Variants in PIK3CB observed in about 807,000 individuals in gnomAD.
PIK3CB encodes phosphatidylinositol-4,5-bisphosphate 3-kinase catalytic subunit beta.
PIK3CB carries 39 observed loss-of-function variants against 136.8 expected under a neutral mutation model. The observed-to-expected ratio is 0.29, with a 90% CI of 0.22 to 0.37. The LOEUF is 0.37. PIK3CB is among the 10% of genes least tolerant of loss of function. PIK3CB has a pLI of 1.00. For missense variants in PIK3CB, 868 were observed against 1,275.4 expected (o/e 0.68, Z 4.87); for synonymous variants, 428 against 436.6 (o/e 0.98, Z 0.25).
intron 8 of PIK3CB, among the ~76,000 whole-genome samples, chr3:138,715,031 A>T (rs2044579299): frequency 1.3e-5 from 2 of 152,174 alleles, no homozygotes; most frequent in African/African-American, 4.8e-5. Context: ...AAACAGGTCT[A>T]AAGAAACCGT....
chr3:138,823,650 C>G (rs1933658223), intron 1 of PIK3CB, among the ~76,000 whole-genome samples: 1 of 152,072 alleles, frequency 6.6e-6, no homozygotes, highest in Non-Finnish European at 1.5e-5. Context: ...TTGCAGTGAG[C>G]CGAGATGGCG....
In PIK3CB at chr3:138,711,958, A is replaced by T. The variant is rs551672900; in HGVS notation, c.1399+250T>A. Among the ~76,000 whole-genome samples, 111 of 151,966 alleles carry T rather than the reference A, an allele frequency of 7.3e-4. 3 individuals are homozygous for T. Among genetic ancestry groups the T allele is most frequent in the South Asian group, 4.3e-3 (21 of 4,830 alleles). ...GACCTTGTCTCGACAAAATAAAAAA[A>T]AATAATAAATAATAAAATAAAATAT... On this transcript the variant is annotated intron_variant, in intron 10 of 23. Transcript: ENST00000674063.
rs566657432 is a variant in PIK3CB at position 138,755,610 on chromosome 3, C to T, written c.397+144G>A. 32 of 508,718 alleles carry T rather than the reference C, an allele frequency of 6.3e-5. No homozygotes were observed. The East Asian group carries it at 9.5e-4, about 15-fold the overall frequency. The allele number at this position is 508,718 out of a possible 1,614,324, so 31.5% of individuals were successfully genotyped here. A position where few individuals can be genotyped will look rare whatever the true frequency, so the allele number is the denominator to read the frequency against. On this transcript the variant is annotated intron_variant, in intron 4 of 23. Transcript: ENST00000674063. The stretch of plus-strand genomic sequence containing the variant: ...ATTTATTCTCAATTTCTATACTTAC[C>T]TTATCTCAAACTGGCAACAATTTAC...
chr3:138,747,093 T>TAC (rs2045375101), intron 4 of PIK3CB, among the ~76,000 whole-genome samples: 18 of 78,110 alleles, frequency 2.3e-4, no homozygotes, highest in African/African-American at 9.3e-4. Flanking sequence ...TATATATATA[T>TAC]ATATATATAT....
intron 4 of PIK3CB, 55 bp from the exon 5 acceptor site, chr3:138,742,836 A>G: frequency 1.0e-6 from 1 of 955,350 alleles, no homozygotes; most frequent in Non-Finnish European, 1.6e-6. Context: ...ATAAAAGAAT[A>G]TAGAAAGAAT....
In PIK3CB at chr3:138,694,872, G is replaced by T; in HGVS notation, c.1806C>A (p.Pro602=). The T allele has an allele frequency of 6.2e-7, 1 of 1,611,056 alleles. No individual in the cohort carries two copies. Among genetic ancestry groups the T allele is most frequent in the South Asian group, 1.1e-5 (1 of 90,388 alleles). Residue 602 remains proline, a synonymous_variant, in exon 14 of 24, where the codon CCC becomes CCA. Coordinates refer to ENST00000674063, the MANE Select transcript of PIK3CB (RefSeq NM_006219.3). The part of the protein sequence containing the change: ...QALLQIWPKL[P]PREALELLDF... Reference sequence around the variant, plus strand: ...CCAGAAGCTCTAGGGCCTCCCGGGGGGGCAGTTTAGGCCAAATCTGAAGCA... The same window carrying T: ...CCAGAAGCTCTAGGGCCTCCCGGGGTGGCAGTTTAGGCCAAATCTGAAGCA...
intron 1 of PIK3CB, among the ~76,000 whole-genome samples, chr3:138,815,974 T>C (rs143306423): frequency 7.4e-4 from 112 of 152,360 alleles, no homozygotes; most frequent in African/African-American, 2.5e-3. Context: ...CACTCAGTGA[T>C]AATCTTTTTA....
chr3:138,724,456 G>A (rs2044795291), intron 8 of PIK3CB, among the ~76,000 whole-genome samples: 1 of 152,120 alleles, frequency 6.6e-6, no homozygotes, highest in African/African-American at 2.4e-5. Flanking sequence ...TTTTATGGAG[G>A]AGGCTCCATT....
At chr3:138,707,031 C>G (rs953517265) in intron 11 of PIK3CB, 128 bp downstream of exon 11, 6 of 719,886 alleles carry the variant, frequency 8.3e-6, no homozygotes, top group Non-Finnish European at 1.5e-5. Context: ...GATCCATGGT[C>G]TTCCCACTCA....
chr3:138,702,882 C>T (rs999119812), intron 12 of PIK3CB, among the ~76,000 whole-genome samples: 1 of 152,144 alleles, frequency 6.6e-6, no homozygotes, highest in African/African-American at 2.4e-5. Flanking sequence ...CTCAAGTCTA[C>T]ATCCTCAGCA....
intron 2 of PIK3CB, among the ~76,000 whole-genome samples, chr3:138,765,953 T>C (rs2045727648): frequency 6.6e-6 from 1 of 151,958 alleles, no homozygotes; most frequent in Non-Finnish European, 1.5e-5. Flanking sequence ...AACCTACATT[T>C]CAGGTAGCCC....
chr3:138,822,565 C>T (rs72972926), intron 1 of PIK3CB, among the ~76,000 whole-genome samples: 5,769 of 151,516 alleles, frequency 0.038, 379 homozygotes, highest in African/African-American at 0.13. Flanking sequence ...AAAGAAAATA[C>T]GTAACTGCAG....
intron 14 of PIK3CB, among the ~76,000 whole-genome samples, chr3:138,692,159 C>G (rs1442633392): frequency 6.6e-6 from 1 of 152,164 alleles, no homozygotes; most frequent in Non-Finnish European, 1.5e-5. Flanking sequence ...AGAGGCAACT[C>G]CAGCAGTATA....
chr3:138,669,793 G>C (rs891141355), intron 19 of PIK3CB, among the ~76,000 whole-genome samples: 6 of 152,156 alleles, frequency 3.9e-5, no homozygotes, highest in African/African-American at 1.4e-4. Context: ...GTAATGTACA[G>C]AAGGTACCTC....
intron 5 of PIK3CB, 118 bp from the exon 6 acceptor site, chr3:138,738,004 T>A (rs1456534912): frequency 2.0e-6 from 1 of 506,370 alleles, no homozygotes; most frequent in African/African-American, 2.0e-5. Context: ...TATGGGTACA[T>A]CCTTAACAAA....
chr3:138,771,987 T>G (rs936933638), intron 2 of PIK3CB, among the ~76,000 whole-genome samples: 12 of 151,458 alleles, frequency 7.9e-5, no homozygotes, highest in Non-Finnish European at 1.6e-4. Context: ...ATTCCAGTTC[T>G]GGAATGTACC....
intron 8 of PIK3CB, among the ~76,000 whole-genome samples, chr3:138,725,827 G>A (rs892276628): frequency 5.9e-5 from 9 of 151,950 alleles, no homozygotes; most frequent in East Asian, 1.9e-4. Context: ...GTGTCATCTC[G>A]TCACTGACGT....
At chr3:138,659,341 A>G (rs2043246105) in intron 21 of PIK3CB, among the ~76,000 whole-genome samples, 1 of 152,060 alleles carries the variant, frequency 6.6e-6, no homozygotes, top group Admixed American at 6.5e-5. Flanking sequence ...AGTTGGAAAA[A>G]TGTCTTCATT....
rs1934195656 is a variant in PIK3CB at position 138,834,735 on chromosome 3, G to C, written c.-162C>G. On this transcript the variant is annotated 5_prime_UTR_variant, in exon 1 of 24. Coordinates refer to ENST00000674063, the MANE Select transcript of PIK3CB (RefSeq NM_006219.3). ...CCGCCGCCGCCTGCTACTATTCCAA[G>C]TGCGCAGTCAGCAGCCCAGGCCGCC... is the stretch of plus-strand genomic sequence containing the variant. 6.5e-6 allele frequency: 1 copy of C among 154,026 alleles called. No homozygotes were observed. The highest frequency in any genetic ancestry group is 1.4e-5 in the Non-Finnish European group (1 of 69,834). 9.5% of individuals were successfully genotyped at this position (154,026 alleles called of 1,614,324 possible). A position where few individuals can be genotyped will look rare whatever the true frequency, so the allele number is the denominator to read the frequency against.
Sources: allele counts gnomAD v4.1 joint callset (sites outside exome capture counted in the v4.1 genomes callset), GRCh38; gene constraint gnomAD v4.1.1; transcripts MANE v1.5; gene names NCBI Gene and HGNC (gene_info 2026-07-23, HGNC 2026-07-21).